Variants in OLR1 observed in about 807,000 individuals in gnomAD.
The protein encoded by OLR1 is oxidized low-density lipoprotein receptor 1.
In OLR1, 23 loss-of-function variants were observed where a neutral mutation model predicts 31.7. The observed-to-expected ratio is 0.72, with a 90% CI of 0.52 to 1.03. The LOEUF (loss-of-function observed/expected upper bound fraction) is 1.03, where lower values mean the gene tolerates loss of function less well. OLR1 is among the 50% of genes least tolerant of loss of function. OLR1 has a pLI of 0.00. For synonymous variants in OLR1, 117 were observed against 115.8 expected, an observed-to-expected ratio of 1.01 and a Z score of -0.07; for missense variants, 286 against 315.7, an observed-to-expected ratio of 0.91 and a Z score of 0.71.
chr12:10,169,285 A>G lies in OLR1; in HGVS notation c.77-110T>C, dbSNP rs1948689861. On this transcript the variant is annotated intron_variant, in intron 1 of 5. Transcript: ENST00000309539. Reference sequence around the variant, plus strand: ...TGATTTACTCTGTTTATGTTTTAGTAAATAGACATAAATAGTTTGCATTCC... The same window carrying G: ...TGATTTACTCTGTTTATGTTTTAGTGAATAGACATAAATAGTTTGCATTCC... 3 of 612,998 alleles carry G rather than the reference A, an allele frequency of 4.9e-6. No individual in the cohort carries two copies. In the East Asian group the frequency reaches 8.7e-5, roughly 18 times the overall value. 38.0% of individuals were successfully genotyped at this position (612,998 alleles called of 1,614,324 possible). A position where few individuals can be genotyped will look rare whatever the true frequency, so the allele number is the denominator to read the frequency against.
In OLR1 at chr12:10,158,714, G is replaced by C. The variant is rs941862859; in HGVS notation, c.*1166C>G. On this transcript the variant is annotated 3_prime_UTR_variant, in exon 6 of 6. Coordinates refer to ENST00000309539, the MANE Select transcript of OLR1 (RefSeq NM_002543.4). ...AAATAGTACACTTTAAATATGTTCA[G>C]TTTATTTTATGTTAATTATATCTCA... The C allele has an allele frequency of 6.6e-6, 1 of 151,344 alleles. No homozygotes were observed. The highest frequency in any genetic ancestry group is 1.5e-5 in the Non-Finnish European group (1 of 67,902). 9.4% of individuals were successfully genotyped at this position (151,344 alleles called of 1,614,324 possible).
chr12:10,174,899 G>A (rs1462280477), upstream of OLR1, among the ~76,000 whole-genome samples: 3 of 152,156 alleles, frequency 2.0e-5, no homozygotes, highest in Admixed American at 6.5e-5. Flanking sequence ...CAATGTGGTA[G>A]CATGTGTCAG....
At chr12:10,160,054 A>G in intron 5 of OLR1, 33 bp from the exon 6 acceptor site, 1 of 1,573,644 alleles carries the variant, frequency 6.4e-7, no homozygotes, top group Non-Finnish European at 8.6e-7. Flanking sequence ...CAAACCAACA[A>G]AAAAACTTAG....
chr12:10,168,626 T>A (rs918544523), intron 2 of OLR1, among the ~76,000 whole-genome samples: 1 of 152,166 alleles, frequency 6.6e-6, no homozygotes, highest in African/African-American at 2.4e-5. Context: ...CCTGAGTAGC[T>A]GGGATTACAA....
chr12:10,160,492 G>A, intron 4 of OLR1, 30 bp from the exon 5 acceptor site: 1 of 1,513,360 alleles, frequency 6.6e-7, no homozygotes, highest in Non-Finnish European at 9.1e-7. Flanking sequence ...TGAGTTTGTG[G>A]AATCCACATG....
intron 3 of OLR1, among the ~76,000 whole-genome samples, chr12:10,164,677 T>C (rs1948646445): frequency 6.6e-6 from 1 of 150,894 alleles, no homozygotes; most frequent in South Asian, 2.1e-4. Flanking sequence ...TCTGAATGAC[T>C]CTCTCTCACA....
chr12:10,174,790 A>C (rs542880316), upstream of OLR1, among the ~76,000 whole-genome samples: 99 of 152,256 alleles, frequency 6.5e-4, no homozygotes, highest in African/African-American at 2.3e-3. Context: ...TGTTTCTATA[A>C]ATTGGTTTAT....
Position 10,159,261 on chromosome 12 carries a change from T to C in OLR1, c.*619A>G, listed in dbSNP as rs1948599217. Reference sequence around the variant, plus strand: ...AAAGACCACTCACTTACTAATTACTTTCTTGGGCTCCCCACTTGTCCCAAA... The same window carrying C: ...AAAGACCACTCACTTACTAATTACTCTCTTGGGCTCCCCACTTGTCCCAAA... On this transcript the variant is annotated 3_prime_UTR_variant, in exon 6 of 6. Coordinates refer to ENST00000309539, the MANE Select transcript of OLR1 (RefSeq NM_002543.4). 1 of 151,062 alleles carries C rather than the reference T, an allele frequency of 6.6e-6. No homozygotes were observed. 9.4% of individuals were successfully genotyped at this position (151,062 alleles called of 1,614,324 possible).
At chr12:10,171,700 G>T (rs565909081) in intron 1 of OLR1, among the ~76,000 whole-genome samples, 31 of 152,256 alleles carry the variant, frequency 2.0e-4, no homozygotes, top group African/African-American at 6.3e-4. Context: ...TTAGCTCTCT[G>T]TAAAAGGGAG....
At chr12:10,163,636 C>G (rs1948637399) in intron 3 of OLR1, among the ~76,000 whole-genome samples, 1 of 150,896 alleles carries the variant, frequency 6.6e-6, no homozygotes. Flanking sequence ...AAAGACTTCT[C>G]AAAGCTCTTT....
upstream of OLR1, chr12:10,172,151 G>T: frequency 1.0e-6 from 1 of 999,892 alleles, no homozygotes; most frequent in Non-Finnish European, 1.6e-6. Flanking sequence ...GTGAGCTTCT[G>T]CAGAAGTATT....
chr12:10,161,608 A>G (rs1475264648), intron 3 of OLR1, among the ~76,000 whole-genome samples: 1 of 152,086 alleles, frequency 6.6e-6, no homozygotes, highest in African/African-American at 2.4e-5. Flanking sequence ...GGGTCTCGCT[A>G]TGTTGTCCAG....
At chr12:10,173,555 G>T (rs376318374), upstream of OLR1, among the ~76,000 whole-genome samples, 16 of 151,828 alleles carry the variant, frequency 1.1e-4, no homozygotes, top group Middle Eastern at 6.8e-3. Context: ...TGAGGGGGGG[G>T]GTGGATCACT....
chr12:10,176,263 A>G (rs1262516896), upstream of OLR1, among the ~76,000 whole-genome samples: 1 of 152,192 alleles, frequency 6.6e-6, no homozygotes, highest in Non-Finnish European at 1.5e-5. Context: ...AATCTCATTC[A>G]TTAGGATAAA....
rs1282198225 is a variant in OLR1 at position 10,160,813 on chromosome 12, C to G, written c.537G>C (p.Leu179Phe). The stretch of plus-strand genomic sequence containing the variant: ...GATCAGCTGTGCTATTAATTTTCAG[C>G]AACTTGGCATCCAAAGACAAGCACT... Reference protein sequence around the residue: ...QEKCLSLDAKLLKINSTADLD... With the variant: ...QEKCLSLDAKFLKINSTADLD... Residue 179 changes from leucine (L) to phenylalanine (F), a missense_variant, in exon 4 of 6, where the codon TTG (leucine) becomes TTC (phenylalanine). Leu to Phe is a conservative substitution (Grantham distance 22). Coordinates refer to ENST00000309539, the MANE Select transcript of OLR1 (RefSeq NM_002543.4). The G allele has an allele frequency of 6.2e-7, 1 of 1,614,148 alleles. No homozygotes were observed. The highest frequency in any genetic ancestry group is 2.2e-5 in the East Asian group (1 of 44,888).
At chr12:10,162,287 AT>A (rs1048313908) in intron 3 of OLR1, among the ~76,000 whole-genome samples, 1 of 152,198 alleles carries the variant, frequency 6.6e-6, no homozygotes, top group Non-Finnish European at 1.5e-5. Flanking sequence ...CAGCATTTTA[AT>A]TTCATTCTCA....
chr12:10,175,772 G>T (rs1281783350), upstream of OLR1, among the ~76,000 whole-genome samples: 2 of 152,174 alleles, frequency 1.3e-5, no homozygotes, highest in Non-Finnish European at 2.9e-5. Flanking sequence ...CAGGGCTGTG[G>T]CCCTACCCAC....
chr12:10,173,728 G>A (rs1948743431), upstream of OLR1, among the ~76,000 whole-genome samples: 1 of 145,900 alleles, frequency 6.9e-6, no homozygotes, highest in Non-Finnish European at 1.5e-5. Context: ...TTGTGCCACT[G>A]TACTCCAGCC....
upstream of OLR1, among the ~76,000 whole-genome samples, chr12:10,175,074 A>T (rs1194162577): frequency 6.6e-6 from 1 of 152,132 alleles, no homozygotes; most frequent in African/African-American, 2.4e-5. Flanking sequence ...GATTTGAAAA[A>T]TTTTAGAGGG....
Sources: allele counts gnomAD v4.1 joint callset (sites outside exome capture counted in the v4.1 genomes callset), GRCh38; gene constraint gnomAD v4.1.1; transcripts MANE v1.5; gene names NCBI Gene and HGNC (gene_info 2026-07-23, HGNC 2026-07-21).